The following ZNF66 variants were observed in gnomAD, a reference collection of about 807,000 sequenced individuals.
ZNF66 encodes the protein zinc finger protein 66, also known as putative zinc finger protein 66.
Under a neutral mutation model 35.2 loss-of-function variants are expected in ZNF66, and 32 were observed. The ratio of observed to expected loss-of-function variants is 0.91; its 90% confidence interval spans 0.69 to 1.22. The LOEUF is 1.22. Among genes scored for constraint, ZNF66 ranks in the 50% most tolerant of loss-of-function variants. The pLI is 0.00. For synonymous variants in ZNF66, 231 were observed against 181.3 expected (o/e 1.27, Z -2.20); for missense variants, 666 against 543.1 (o/e 1.23, Z -2.25).
intron 1 of ZNF66, among the ~76,000 whole-genome samples, chr19:20,787,329 A>G (rs774507185): frequency 1.3e-5 from 2 of 152,072 alleles, no homozygotes; most frequent in Non-Finnish European, 2.9e-5. Context: ...CTTTTTTAAT[A>G]TATATATAGA....
At chr19:20,800,698 T>G (rs1232233764) in intron 3 of ZNF66, among the ~76,000 whole-genome samples, 1 of 152,226 alleles carries the variant, frequency 6.6e-6, no homozygotes, top group Non-Finnish European at 1.5e-5. Context: ...CCTTCCACCA[T>G]GATTTTAAGC....
At chr19:20,784,016 C>A (rs938942188) in intron 1 of ZNF66, among the ~76,000 whole-genome samples, 1 of 152,100 alleles carries the variant, frequency 6.6e-6, no homozygotes, top group South Asian at 2.1e-4. Context: ...ACCACCATGC[C>A]TGGCTAAGTT....
At chr19:20,799,406 A>G (rs1039459722) in intron 3 of ZNF66, 9 of 152,146 alleles carry the variant, frequency 5.9e-5, no homozygotes, top group African/African-American at 2.2e-4. Flanking sequence ...AGGAATATTT[A>G]TAACATTTTA....
intron 2 of ZNF66, among the ~76,000 whole-genome samples, chr19:20,793,129 T>G (rs73009738): frequency 0.068 from 10,363 of 151,328 alleles, 471 homozygotes; most frequent in Middle Eastern, 0.11. Context: ...TAATACAAAC[T>G]TTCCACATTT....
At chr19:20,803,024 ATAT>A (rs1415684620) in intron 3 of ZNF66, among the ~76,000 whole-genome samples, 1 of 151,386 alleles carries the variant, frequency 6.6e-6, no homozygotes, top group East Asian at 1.9e-4. Flanking sequence ...AGCTTGTGTA[ATAT>A]TATTTTGAGC....
In ZNF66 at chr19:20,808,717, A is replaced by G. The variant is rs977902912; in HGVS notation, c.*1395A>G. On this transcript the variant is annotated 3_prime_UTR_variant, in exon 4 of 4. Coordinates refer to ENST00000344519, the MANE Select transcript of ZNF66 (RefSeq NM_001355197.2). ...CTGTACATCACCATCATCAAAGACC[A>G]AAAGTAGATAAAACCACAAAGATGG... Among the ~76,000 whole-genome samples the G allele has an allele frequency of 6.6e-6, 1 of 152,112 alleles. No homozygotes were observed. The highest frequency in any genetic ancestry group is 2.4e-5 in the African/African-American group (1 of 41,414).
At chr19:20,799,066 T>TC (rs1322356665) in intron 3 of ZNF66, 1 of 106,436 alleles carries the variant, frequency 9.4e-6, no homozygotes, top group Non-Finnish European at 2.2e-5. Context: ...TCTTTCTTTC[T>TC]TTTTTTTTTT....
At chr19:20,799,263 T>C (rs960068159) in intron 3 of ZNF66, 1 of 152,038 alleles carries the variant, frequency 6.6e-6, no homozygotes, top group Non-Finnish European at 1.5e-5. Context: ...TATTTCACCA[T>C]GTTGGCCAGG....
chr19:20,791,003 A>G (rs953186935), intron 1 of ZNF66, among the ~76,000 whole-genome samples: 2 of 152,188 alleles, frequency 1.3e-5, no homozygotes, highest in Non-Finnish European at 2.9e-5. Flanking sequence ...CGCCATGCAG[A>G]TTTATCAACA....
chr19:20,799,659 G>C (rs1435884456), intron 3 of ZNF66, among the ~76,000 whole-genome samples: 1 of 151,978 alleles, frequency 6.6e-6, no homozygotes, highest in African/African-American at 2.4e-5. Flanking sequence ...TATCAGTGTT[G>C]ACATTCAGTT....
intron 1 of ZNF66, among the ~76,000 whole-genome samples, chr19:20,788,865 A>C (rs1971311124): frequency 6.6e-6 from 1 of 151,132 alleles, no homozygotes; most frequent in Admixed American, 6.6e-5. Flanking sequence ...AGCCTGACCA[A>C]TGTGGTGAAA....
intron 3 of ZNF66, among the ~76,000 whole-genome samples, chr19:20,802,955 C>G (rs1042676409): frequency 1.3e-5 from 2 of 151,408 alleles, no homozygotes; most frequent in African/African-American, 2.4e-5. Flanking sequence ...TCTTTGCCTT[C>G]TTGAAGTTTT....
chr19:20,778,512 A>C (rs1460483758), intron 1 of ZNF66, among the ~76,000 whole-genome samples: 2 of 152,206 alleles, frequency 1.3e-5, no homozygotes, highest in Non-Finnish European at 2.9e-5. Context: ...AGCCAGGTGC[A>C]GTGGCTCATG....
intron 1 of ZNF66, among the ~76,000 whole-genome samples, chr19:20,777,607 A>G (rs1212443373): frequency 6.6e-6 from 1 of 151,360 alleles, no homozygotes; most frequent in African/African-American, 2.4e-5. Flanking sequence ...AGTGTCCCCC[A>G]TGTTCCTCAA....
At chr19:20,799,746 T>A (rs1251121818) in intron 3 of ZNF66, among the ~76,000 whole-genome samples, 1 of 152,232 alleles carries the variant, frequency 6.6e-6, no homozygotes, top group Admixed American at 6.5e-5. Flanking sequence ...CATTTGATCA[T>A]ATACAGAACG....
chr19:20,806,607 C>G lies in ZNF66; in HGVS notation c.1007C>G (p.Thr336Ser), dbSNP rs775491114. Residue 336 changes from threonine (T) to serine (S), a missense_variant, in exon 4 of 4, where the codon ACT (threonine) becomes AGT (serine). Coordinates refer to ENST00000344519, the MANE Select transcript of ZNF66 (RefSeq NM_001355197.2). ...SHLTTHKRIHTGEKPYKCEEC... is the reference protein window; with the variant it reads ...SHLTTHKRIHSGEKPYKCEEC... ...CTTACTACACATAAGAGAATTCATA[C>G]TGGAGAGAAACCCTACAAATGTGAA... The G allele has an allele frequency of 6.3e-7, 1 of 1,593,152 alleles. No homozygotes were observed. The highest frequency in any genetic ancestry group is 2.2e-5 in the East Asian group (1 of 44,772).
intron 1 of ZNF66, chr19:20,785,160 T>C (rs559803215): frequency 2.0e-5 from 3 of 152,358 alleles, no homozygotes; most frequent in Non-Finnish European, 4.4e-5. Flanking sequence ...CCTCACTCTC[T>C]GTTGTGACAT....
At position 20,807,401 on chromosome 19, in the gene ZNF66, C is replaced by T; in HGVS notation, c.*79C>T. On this transcript the variant is annotated 3_prime_UTR_variant, in exon 4 of 4. Coordinates refer to ENST00000344519, the MANE Select transcript of ZNF66 (RefSeq NM_001355197.2). ...ATGAGTTTGATGAATGTGGGAAAGACTTTAACCAGCTATCAACTTTTACTA... is the reference window on the plus strand; with the variant it reads ...ATGAGTTTGATGAATGTGGGAAAGATTTTAACCAGCTATCAACTTTTACTA... 1 of 559,284 alleles carries T rather than the reference C, an allele frequency of 1.8e-6. No individual in the cohort carries two copies. Among genetic ancestry groups the T allele is most frequent in the South Asian group, 2.9e-5 (1 of 34,966 alleles). The allele number at this position is 559,284 out of a possible 1,614,324, so 34.6% of individuals were successfully genotyped here. A position where few individuals can be genotyped will look rare whatever the true frequency, so the allele number is the denominator to read the frequency against.
At chr19:20,782,242 A>T (rs1391977797) in intron 1 of ZNF66, among the ~76,000 whole-genome samples, 1 of 152,168 alleles carries the variant, frequency 6.6e-6, no homozygotes, top group Non-Finnish European at 1.5e-5. Flanking sequence ...ACCGCTTCTG[A>T]CCATACCATA....
Sources: allele counts gnomAD v4.1 joint callset (sites outside exome capture counted in the v4.1 genomes callset), GRCh38; gene constraint gnomAD v4.1.1; transcripts MANE v1.5; gene names NCBI Gene and HGNC (gene_info 2026-07-23, HGNC 2026-07-21).